STRN: variants seen among roughly 807,000 people sequenced by gnomAD.
STRN encodes protein phosphatase 2 regulatory subunit B'''alpha.
In STRN, 53 loss-of-function variants were observed where a neutral mutation model predicts 96.3. The ratio of observed to expected loss-of-function variants is 0.55; its 90% CI spans 0.44 to 0.69. STRN has a LOEUF of 0.69. Among genes scored for constraint, STRN ranks in the 30% least tolerant of loss-of-function variants. The pLI is 0.00. For missense variants in STRN, 987 were observed against 963.9 expected, an observed-to-expected ratio of 1.02 and a Z score of -0.32; for synonymous variants, 428 against 355.9, an observed-to-expected ratio of 1.20 and a Z score of -2.28.
intron 1 of STRN, among the ~76,000 whole-genome samples, chr2:36,944,203 A>AT: frequency 6.6e-6 from 1 of 152,354 alleles, no homozygotes; most frequent in South Asian, 2.1e-4. Context: ...TTAGAGTTAA[A>AT]TTTTTATTAA....
rs553638038 is a variant in STRN at position 36,925,686 on chromosome 2, T to C, written c.235-478A>G. Among the ~76,000 whole-genome samples, 24 of 152,112 alleles carry C rather than the reference T, an allele frequency of 1.6e-4. No individual in the cohort carries two copies. The East Asian group carries it at 2.5e-3, about 16-fold the overall frequency. ...TACTCGGGAGGCTTAGGCAGGAGAATTGCTTGAACCCAGGAGGCAGGGGTT... is the reference window on the plus strand; with the variant it reads ...TACTCGGGAGGCTTAGGCAGGAGAACTGCTTGAACCCAGGAGGCAGGGGTT... On this transcript the variant is annotated intron_variant, in intron 1 of 17. Transcript: ENST00000263918.
chr2:36,895,293 C>G (rs1440535143), intron 6 of STRN, among the ~76,000 whole-genome samples: 1 of 151,242 alleles, frequency 6.6e-6, no homozygotes, highest in Non-Finnish European at 1.5e-5. Context: ...CGCCACTGCA[C>G]TCCAGCCTGG....
At chr2:36,946,042 C>G (rs767284305) in intron 1 of STRN, among the ~76,000 whole-genome samples, 1 of 151,546 alleles carries the variant, frequency 6.6e-6, no homozygotes, top group Non-Finnish European at 1.5e-5. Flanking sequence ...TAGAAAAAGA[C>G]AGGTATAAAT....
intron 1 of STRN, among the ~76,000 whole-genome samples, chr2:36,949,896 A>C (rs1664708069): frequency 6.6e-6 from 1 of 152,226 alleles, no homozygotes; most frequent in Non-Finnish European, 1.5e-5. Flanking sequence ...AAAAGGAATT[A>C]GGTAGAGTGA....
At chr2:36,904,969 CTTTTT>C (rs199913588) in intron 4 of STRN, among the ~76,000 whole-genome samples, 1 of 134,824 alleles carries the variant, frequency 7.4e-6, no homozygotes, top group African/African-American at 2.9e-5. Flanking sequence ...ACCAATTGCA[CTTTTT>C]TTTTTTTTTT....
chr2:36,857,787 C>G (rs1428792215), intron 14 of STRN, 69 bp downstream of exon 14: 2 of 1,309,342 alleles, frequency 1.5e-6, no homozygotes, highest in Middle Eastern at 2.1e-4. Context: ...AATCATTTAT[C>G]TGCTTGCTTA....
chr2:36,876,872 C>T lies in STRN; in HGVS notation c.1323+1019G>A, dbSNP rs557808352. 7.2e-5 allele frequency among the ~76,000 whole-genome samples: 11 copies of T among 152,022 alleles called. No homozygotes were observed. In the South Asian group the frequency reaches 1.9e-3, roughly 26 times the overall value. On this transcript the variant is annotated intron_variant, in intron 10 of 17. Coordinates refer to ENST00000263918, the MANE Select transcript of STRN (RefSeq NM_003162.4). ...ACGCCATTCTCCTGCCTCAGCCTCC[C>T]GAGTAGTTGGGACTACAGGCGCCTG...
At chr2:36,868,333 G>A (rs1456489824) in intron 11 of STRN, among the ~76,000 whole-genome samples, 3 of 152,184 alleles carry the variant, frequency 2.0e-5, no homozygotes, top group Non-Finnish European at 4.4e-5. Context: ...ACACAATCAT[G>A]CACATAGTAG....
chr2:36,847,409 T>G lies in STRN; in HGVS notation c.*2047A>C, dbSNP rs1180004092. ...TCCTTCCTTCCTTCCTGGAAGGAAT[T>G]TTCCAGTATCCTTCTACAAATGTTA... On this transcript the variant is annotated 3_prime_UTR_variant, in exon 18 of 18. Coordinates refer to ENST00000263918, the MANE Select transcript of STRN (RefSeq NM_003162.4). 1 of 152,114 alleles carries G rather than the reference T, an allele frequency of 6.6e-6. No individual in the cohort carries two copies. The highest frequency in any genetic ancestry group is 2.4e-5 in the African/African-American group (1 of 41,434). The allele number at this position is 152,114 out of a possible 1,614,324, so 9.4% of individuals were successfully genotyped here. A position where few individuals can be genotyped will look rare whatever the true frequency, so the allele number is the denominator to read the frequency against.
chr2:36,863,016 C>A (rs887996234), intron 12 of STRN, among the ~76,000 whole-genome samples: 10 of 152,188 alleles, frequency 6.6e-5, no homozygotes, highest in Non-Finnish European at 1.0e-4. Context: ...AGCCACCGCA[C>A]CTGGCCTGCT....
chr2:36,870,014 T>C (rs1163647673), intron 10 of STRN, among the ~76,000 whole-genome samples: 1 of 152,190 alleles, frequency 6.6e-6, no homozygotes, highest in Non-Finnish European at 1.5e-5. Context: ...ACTAGGATGA[T>C]AAATAATACC....
chr2:36,857,201 A>G (rs1668368374), intron 14 of STRN, among the ~76,000 whole-genome samples: 1 of 151,502 alleles, frequency 6.6e-6, no homozygotes, highest in Admixed American at 6.6e-5. Flanking sequence ...TGCTAGGATT[A>G]CAGGTGTGAG....
At position 36,849,356 on chromosome 2, in the gene STRN, CA is replaced by C; in HGVS notation, c.*99del. The C allele has an allele frequency of 7.2e-7, 1 of 1,384,008 alleles. No homozygotes were observed. The highest frequency in any genetic ancestry group is 9.9e-7 in the Non-Finnish European group (1 of 1,010,712). The allele number at this position is 1,384,008 out of a possible 1,614,324, so 85.7% of individuals were successfully genotyped here. ...TGTTCTCTGTGCTCCTTCAGCAGAACAAAAGGGCAGGACGAGATGATTCTTG... is the reference window on the plus strand; with the variant it reads ...TGTTCTCTGTGCTCCTTCAGCAGAACAAAGGGCAGGACGAGATGATTCTTG... On this transcript the variant is annotated 3_prime_UTR_variant, in exon 18 of 18. Transcript: ENST00000263918.
At chr2:36,878,088 T>C (rs1214726284) in intron 9 of STRN, 61 bp from the exon 10 acceptor site, 1 of 1,580,656 alleles carries the variant, frequency 6.3e-7, no homozygotes, top group East Asian at 2.2e-5. Flanking sequence ...TTTAGTCTCA[T>C]TTGCTTGCAT....
intron 3 of STRN, among the ~76,000 whole-genome samples, chr2:36,911,118 A>G (rs971048568): frequency 3.9e-5 from 6 of 152,172 alleles, no homozygotes; most frequent in East Asian, 1.9e-4. Context: ...ACTTATCACC[A>G]TCATCTATAA....
chr2:36,884,140 A>C (rs1228883706), intron 8 of STRN, 65 bp from the exon 9 acceptor site: 3 of 1,264,774 alleles, frequency 2.4e-6, no homozygotes, highest in Non-Finnish European at 3.0e-6. Context: ...CAATTGCATC[A>C]AAATGGTATT....
Position 36,839,818 on chromosome 2 carries a change from A to G in STRN, c.*9638T>C, listed in dbSNP as rs1223771744. On this transcript the variant is annotated 3_prime_UTR_variant, in exon 18 of 18. Transcript: ENST00000263918. The stretch of plus-strand genomic sequence containing the variant: ...CATATGTAATTTGCTGATTCTTTTA[A>G]TGATTTAAAGTCATTTGAATATTAA... 6.6e-6 allele frequency: 1 copy of G among 152,190 alleles called. No individual in the cohort carries two copies. Among genetic ancestry groups the G allele is most frequent in the African/African-American group, 2.4e-5 (1 of 41,436 alleles). 9.4% of individuals were successfully genotyped at this position (152,190 alleles called of 1,614,324 possible).
At chr2:36,925,397 G>C (rs1173851747) in intron 1 of STRN, among the ~76,000 whole-genome samples, 189 bp from the exon 2 acceptor site, 2 of 152,146 alleles carry the variant, frequency 1.3e-5, no homozygotes, top group Non-Finnish European at 2.9e-5. Context: ...AGTTAAAAAG[G>C]GCTGGGGGGA....
At chr2:36,867,203 C>T (rs1018873714) in intron 12 of STRN, among the ~76,000 whole-genome samples, 4 of 151,886 alleles carry the variant, frequency 2.6e-5, no homozygotes, top group Non-Finnish European at 5.9e-5. Context: ...TGAAACCCTT[C>T]GGCCAGGTGC....
Sources: allele counts gnomAD v4.1 joint callset (sites outside exome capture counted in the v4.1 genomes callset), GRCh38; gene constraint gnomAD v4.1.1; transcripts MANE v1.5; gene names NCBI Gene and HGNC (gene_info 2026-07-23, HGNC 2026-07-21).